KANK2: variants seen among roughly 807,000 people sequenced by gnomAD.
KANK2 encodes KN motif and ankyrin repeat domains 2.
KANK2 carries 41 observed loss-of-function variants against 74.6 expected under a neutral mutation model. The observed-to-expected ratio is 0.55, with a 90% CI of 0.43 to 0.71. The LOEUF (loss-of-function observed/expected upper bound fraction) is 0.71. Among genes scored for constraint, KANK2 ranks in the 30% least tolerant of loss-of-function variants. KANK2 has a pLI of 0.00. For missense variants in KANK2, 1,148 were observed against 1,196.4 expected, an observed-to-expected ratio of 0.96 and a Z score of 0.60; for synonymous variants, 537 against 519.0, an observed-to-expected ratio of 1.03 and a Z score of -0.47.
chr19:11,184,938 GAGTA>G (rs536372260), intron 4 of KANK2, among the ~76,000 whole-genome samples: 1,673 of 144,352 alleles, frequency 0.012, 103 homozygotes, highest in African/African-American at 0.04. Context: ...TCAGCCTCCC[GAGTA>G]GCTGGGATTA....
chr19:11,193,827 C>T lies in KANK2; in HGVS notation c.253G>A (p.Glu85Lys). ...CCACTGGCATTGGAGCACAGCGACT[C>T]AGTGGACGTCCACCAGGAGCCAGGG... ...RGPGSWWTST[E>K]SLCSNASGDS... The change falls in exon 4 of 13, where the codon GAG (glutamate) becomes AAG (lysine). Residue 85 changes from glutamate (E) to lysine (K), a missense_variant. Physicochemically the swap from Glu to Lys is moderately conservative, Grantham distance 56 (BLOSUM62 1). Coordinates refer to ENST00000586659, the MANE Select transcript of KANK2 (RefSeq NM_001136191.3). This position sits in a 1 kb window ranked among gnomAD's most constrained non-coding sequence, Gnocchi z 9.6. 1 of 1,612,694 alleles carries T rather than the reference C, an allele frequency of 6.2e-7. No individual in the cohort carries two copies. Among genetic ancestry groups the T allele is most frequent in the Non-Finnish European group, 8.5e-7 (1 of 1,179,614 alleles).
Position 11,178,644 on chromosome 19 carries a change from C to T in KANK2, c.1326G>A (p.Lys442=), listed in dbSNP as rs779909095. Residue 442 remains lysine, a synonymous_variant, in exon 5 of 13, where the codon AAG becomes AAA. Transcript: ENST00000586659. ...SEVASLTQPE[K]STGRVPTQEP... is the part of the protein sequence containing the mutation. ...CCTGGGTGGGCACTCGGCCTGTGCTCTTCTCAGGCTGTGTAAGGGAGGCTA... is the reference window on the plus strand; with the variant it reads ...CCTGGGTGGGCACTCGGCCTGTGCTTTTCTCAGGCTGTGTAAGGGAGGCTA... 61 of 1,579,596 alleles carry T rather than the reference C, an allele frequency of 3.9e-5. No homozygotes were observed. Among genetic ancestry groups the T allele is most frequent in the Non-Finnish European group, 4.9e-5 (57 of 1,168,738 alleles).
rs781439835 is a variant in KANK2, at chr19:11,170,111, G to A, written c.2349C>T (p.Gly783=). The A allele has an allele frequency of 6.2e-7, 1 of 1,613,414 alleles. No homozygotes were observed. The highest frequency in any genetic ancestry group is 8.5e-7 in the Non-Finnish European group (1 of 1,180,024). Residue 783 remains glycine, a synonymous_variant, in exon 11 of 13, where the codon GGC becomes GGT. Coordinates refer to ENST00000586659, the MANE Select transcript of KANK2 (RefSeq NM_001136191.3). The surrounding 1 kb of genome is among the most constrained non-coding windows in gnomAD (Gnocchi z 5.2). ...STALMCACEH[G]HKEIAGLLLA... ...GCAGCAGCCCCGCGATCTCCTTGTG[G>A]CCGTGCTCACAGGCGCACATGAGGG...
At chr19:11,178,496 C>T in intron 5 of KANK2, 49 bp from the exon 6 acceptor site, 1 of 1,601,556 alleles carries the variant, frequency 6.2e-7, no homozygotes, top group Non-Finnish European at 8.5e-7. Context: ...CAGGGCCAGA[C>T]TCCGAACTGG....
chr19:11,168,456 T>TG (rs1455364176), intron 12 of KANK2, among the ~76,000 whole-genome samples: 1 of 151,970 alleles, frequency 6.6e-6, no homozygotes, highest in Non-Finnish European at 1.5e-5. Flanking sequence ...CCTGTATTTT[T>TG]GGGGGAGACA....
Position 11,193,154 on chromosome 19 carries a change from C to G in KANK2, c.926G>C (p.Arg309Pro), listed in dbSNP as rs200019100. 6.2e-7 allele frequency: 1 copy of G among 1,608,908 alleles called. No homozygotes were observed. Among genetic ancestry groups the G allele is most frequent in the African/African-American group, 1.3e-5 (1 of 74,976 alleles). The part of the protein sequence containing the change: ...ALQELQAAQA[R>P]QADPQPQAWP... ...GGCCTGGGGCTGGGGGTCAGCCTGC[C>G]GGGCCTGAGCTGCCTGCAGCTCCTG... Residue 309 changes from arginine to proline, a missense_variant, in exon 4 of 13, where the codon CGG (arginine) becomes CCG (proline). Physicochemically the swap from Arg to Pro is moderately radical, Grantham distance 103 (BLOSUM62 -2). Coordinates refer to ENST00000586659, the MANE Select transcript of KANK2 (RefSeq NM_001136191.3). This position sits in a 1 kb window ranked among gnomAD's most constrained non-coding sequence, Gnocchi z 9.6.
chr19:11,197,827 C>G (rs2079068010), upstream of KANK2: 1 of 151,918 alleles, frequency 6.6e-6, no homozygotes, highest in Admixed American at 6.6e-5. Context: ...GTCCCTGGGC[C>G]GCTGCGGGGG....
chr19:11,193,961 T>C lies in KANK2; in HGVS notation c.119A>G (p.Tyr40Cys), dbSNP rs2078940691. The C allele has an allele frequency of 6.2e-7, 1 of 1,613,938 alleles. No homozygotes were observed. The highest frequency in any genetic ancestry group is 8.5e-7 in the Non-Finnish European group (1 of 1,179,966). Residue 40 changes from tyrosine (Y) to cysteine (C), a missense_variant, in exon 4 of 13, where the codon TAC (tyrosine) becomes TGC (cysteine). Transcript: ENST00000586659. The surrounding 1 kb of genome is among the most constrained non-coding windows in gnomAD (Gnocchi z 9.6). ...PPYSVETPYG[Y>C]RLDLDFLKYV... is the part of the protein sequence containing the mutation. ...CTTGAGGAAGTCCAGGTCCAGGCGGTAGCCATAGGGGGTCTCCACGGAGTA... is the reference window on the plus strand; with the variant it reads ...CTTGAGGAAGTCCAGGTCCAGGCGGCAGCCATAGGGGGTCTCCACGGAGTA...
Position 11,164,746 on chromosome 19 carries a change from C to G in KANK2, c.*1812G>C, listed in dbSNP as rs557612447. 3.2e-5 allele frequency: 4 copies of G among 124,778 alleles called. No individual in the cohort carries two copies. The highest frequency in any genetic ancestry group is 1.8e-4 in the Admixed American group (2 of 10,906). 7.7% of individuals were successfully genotyped at this position (124,778 alleles called of 1,614,324 possible). On this transcript the variant is annotated 3_prime_UTR_variant, in exon 13 of 13. Coordinates refer to ENST00000586659, the MANE Select transcript of KANK2 (RefSeq NM_001136191.3). ...TCCATCCATCCATCCATCCATCCATCCATCCATCCATCCTGCTTGTCTCCT... is the reference window on the plus strand; with the variant it reads ...TCCATCCATCCATCCATCCATCCATGCATCCATCCATCCTGCTTGTCTCCT...
intron 9 of KANK2, 94 bp from the exon 10 acceptor site, chr19:11,173,217 C>A: frequency 7.3e-7 from 1 of 1,368,202 alleles, no homozygotes; most frequent in African/African-American, 1.4e-5. Context: ...TCAGTCTAGG[C>A]ATGCCCTAAT....
At chr19:11,171,975 ATTT>A (rs1359232623) in intron 10 of KANK2, among the ~76,000 whole-genome samples, 1 of 115,172 alleles carries the variant, frequency 8.7e-6, no homozygotes. Context: ...CACCCGGCTA[ATTT>A]TTTTTTTTTT....
chr19:11,172,937 G>C lies in KANK2; in HGVS notation c.2211+44C>G, dbSNP rs149228688. 3.7e-5 allele frequency: 59 copies of C among 1,597,382 alleles called. No homozygotes were observed. In the African/African-American group the frequency reaches 7.5e-4, roughly 20 times the overall value. On this transcript the variant is annotated intron_variant, in intron 10 of 12. Coordinates refer to ENST00000586659, the MANE Select transcript of KANK2 (RefSeq NM_001136191.3). ...TGTCACTCAGCTGGGATGTCATAAA[G>C]TAGGAAGAGCCACCTGGATCTGCAG...
At chr19:11,172,571 C>T (rs1360558065) in intron 10 of KANK2, among the ~76,000 whole-genome samples, 1 of 152,166 alleles carries the variant, frequency 6.6e-6, no homozygotes, top group Non-Finnish European at 1.5e-5. Context: ...TCAGGCCACG[C>T]CACTTCCCTG....
At chr19:11,194,742 GCC>G in intron 2 of KANK2, 152 bp from the exon 3 acceptor site, 1 of 474,416 alleles carries the variant, frequency 2.1e-6, no homozygotes, top group East Asian at 3.7e-5. Context: ...CTGCGGAAGG[GCC>G]CCCCCCGACC....
chr19:11,171,815 C>A (rs1257463817), intron 10 of KANK2, among the ~76,000 whole-genome samples: 1 of 151,256 alleles, frequency 6.6e-6, no homozygotes, highest in Non-Finnish European at 1.5e-5. Context: ...GGATTACAGG[C>A]ACATGCCACC....
In KANK2 at chr19:11,173,037, T is replaced by G. The variant is rs2078222235; in HGVS notation, c.2155A>C (p.Ile719Leu). Residue 719 changes from isoleucine to leucine, a missense_variant, in exon 10 of 13, where the codon ATC becomes CTC. Coordinates refer to ENST00000586659, the MANE Select transcript of KANK2 (RefSeq NM_001136191.3). ...ALATLKTQDD[I>L]ETVLQLFRLG... ...CGGAAGAGCTGAAGGACAGTCTCGATGTCGTCCTGGGTCTTCAGGGTGGCC... is the reference window on the plus strand; with the variant it reads ...CGGAAGAGCTGAAGGACAGTCTCGAGGTCGTCCTGGGTCTTCAGGGTGGCC... 1 of 1,614,016 alleles carries G rather than the reference T, an allele frequency of 6.2e-7. No homozygotes were observed. The highest frequency in any genetic ancestry group is 1.7e-5 in the Admixed American group (1 of 59,994).
chr19:11,192,928 C>T lies in KANK2; in HGVS notation c.1152G>A (p.Val384=). The T allele has an allele frequency of 6.2e-7, 1 of 1,614,208 alleles. No homozygotes were observed. Among genetic ancestry groups the T allele is most frequent in the Non-Finnish European group, 8.5e-7 (1 of 1,180,016 alleles). ...CGGGCACTGGGCACATTGTCTCCAC[C>T]ACCTCCTGGCTGCGGAACACAGGTG... The part of the protein sequence containing the change: ...ESPPVFRSQE[V]VETMCPVPAA... Residue 384 remains valine, a synonymous_variant, in exon 4 of 13, where the codon GTG becomes GTA. Coordinates refer to ENST00000586659, the MANE Select transcript of KANK2 (RefSeq NM_001136191.3).
In KANK2 at chr19:11,193,042, G is replaced by A. The variant is rs118109949; in HGVS notation, c.1038C>T (p.Ala346=). 2.0e-3 allele frequency: 3,283 copies of A among 1,611,512 alleles called. 52 individuals are homozygous for A. The East Asian group carries it at 0.037, about 18-fold the overall frequency. ...GGGCCCGCTGTGCGGGGGCGCCAGC[G>A]GCTGTGCTGGCCACCACCTCCACCT... ...PREVEVVAST[A]AGAPAQRAQS... The change falls in exon 4 of 13, where the codon GCC becomes GCT. Residue 346 remains alanine, a synonymous_variant. Coordinates refer to ENST00000586659, the MANE Select transcript of KANK2 (RefSeq NM_001136191.3). The surrounding 1 kb of genome is among the most constrained non-coding windows in gnomAD (Gnocchi z 9.6).
At chr19:11,169,639 A>G in intron 12 of KANK2, 1 of 584,520 alleles carries the variant, frequency 1.7e-6, no homozygotes, top group African/African-American at 1.9e-5. Context: ...CGTCTCTACT[A>G]AAAATACAAA....
Sources: gnomAD v4.1 joint callset for allele counts (sites outside exome capture counted in the v4.1 genomes callset) on GRCh38, gnomAD v4.1.1 for gene constraint, Gnocchi (gnomAD v3.1) non-coding constraint, MANE v1.5 for transcripts, NCBI Gene and HGNC (gene_info 2026-07-23, HGNC 2026-07-21) for gene names.